Variants in SLC2A3 observed in about 807,000 individuals in gnomAD.
SLC2A3 encodes the protein solute carrier family 2, facilitated glucose transporter member 3.
Under a neutral mutation model 46.4 loss-of-function variants are expected in SLC2A3, and 21 were observed. The observed-to-expected ratio is 0.45, with a 90% CI of 0.32 to 0.65. The LOEUF is 0.65. SLC2A3 is among the 30% of genes least tolerant of loss of function. SLC2A3 has a pLI of 0.04. For missense variants in SLC2A3, 499 were observed against 623.3 expected (o/e 0.80, Z 2.12); for synonymous variants, 213 against 239.4 (o/e 0.89, Z 1.02).
At chr12:7,926,241 C>A (rs999507496) in intron 6 of SLC2A3, among the ~76,000 whole-genome samples, 2 of 152,028 alleles carry the variant, frequency 1.3e-5, no homozygotes, top group Non-Finnish European at 2.9e-5. Context: ...CAGGTGCCTG[C>A]AACCACACGC....
intron 1 of SLC2A3, 124 bp from the exon 2 acceptor site, chr12:7,934,026 A>G (rs1020610084): frequency 1.0e-5 from 9 of 873,056 alleles, no homozygotes; most frequent in South Asian, 3.4e-5. Flanking sequence ...AGAACATCCA[A>G]TGAGATTTAG....
intron 6 of SLC2A3, among the ~76,000 whole-genome samples, chr12:7,928,192 G>A (rs2121190703): frequency 6.6e-6 from 1 of 152,124 alleles, no homozygotes; most frequent in South Asian, 2.1e-4. Context: ...GAGGTCAAGA[G>A]ATCGAGACCA....
At position 7,919,647 on chromosome 12, in the gene SLC2A3, C is replaced by G. The variant is rs890344572; in HGVS notation, c.*1766G>C. On this transcript the variant is annotated 3_prime_UTR_variant, in exon 10 of 10. Transcript: ENST00000075120. ...ATGTTGGCCAGACTGGTCTCGAACC[C>G]CTGACCGCCCGCCTAGGCCTCCCAA... 6.6e-6 allele frequency: 1 copy of G among 151,854 alleles called. No homozygotes were observed. Among genetic ancestry groups the G allele is most frequent in the African/African-American group, 2.4e-5 (1 of 41,284 alleles). 9.4% of individuals were successfully genotyped at this position (151,854 alleles called of 1,614,324 possible).
At chr12:7,923,751 C>A (rs546437246) in intron 8 of SLC2A3, among the ~76,000 whole-genome samples, 4 of 150,868 alleles carry the variant, frequency 2.7e-5, no homozygotes, top group African/African-American at 9.7e-5. Flanking sequence ...TGAACCACTG[C>A]GCCCAGCCAG....
In SLC2A3 at chr12:7,921,404, A is replaced by G. The variant is rs980577037; in HGVS notation, c.*9T>C. The G allele has an allele frequency of 6.2e-7, 1 of 1,614,030 alleles. No homozygotes were observed. Among genetic ancestry groups the G allele is most frequent in the Admixed American group, 1.7e-5 (1 of 60,016 alleles). ...CCCATGCCGGGAGGGAGGTGGAAGG[A>G]GGCACGACTTAGACATTGGTGGTGG... is the stretch of plus-strand genomic sequence containing the variant. On this transcript the variant is annotated 3_prime_UTR_variant, in exon 10 of 10. Transcript: ENST00000075120.
At position 7,936,104 on chromosome 12, in the gene SLC2A3, A is replaced by C. The variant is rs1946210072; in HGVS notation, c.-70T>G. 4 of 1,323,012 alleles carry C rather than the reference A, an allele frequency of 3.0e-6. No individual in the cohort carries two copies. Among genetic ancestry groups the C allele is most frequent in the Non-Finnish European group, 2.2e-6 (2 of 915,894 alleles). 82.0% of individuals were successfully genotyped at this position (1,323,012 alleles called of 1,614,324 possible). Reference sequence around the variant, plus strand: ...TCCAGAAACAGCTTTTTCAGCCAACAAAACCTTCAAAATGTCCTTCTCAGC... The same window carrying C: ...TCCAGAAACAGCTTTTTCAGCCAACCAAACCTTCAAAATGTCCTTCTCAGC... On this transcript the variant is annotated 5_prime_UTR_variant, in exon 1 of 10. Transcript: ENST00000075120.
At chr12:7,928,569 T>C (rs753567306) in intron 6 of SLC2A3, among the ~76,000 whole-genome samples, 1 of 152,086 alleles carries the variant, frequency 6.6e-6, no homozygotes, top group East Asian at 1.9e-4. Context: ...TCTTTCATTC[T>C]TTCTTTTTTC....
chr12:7,930,489 C>T lies in SLC2A3; in HGVS notation c.664G>A (p.Ala222Thr). The part of the protein sequence containing the change: ...LLINRKEEEN[A>T]KQILQRLWGT... ...TGTGAAGGATACTCACTCTGCTTAG[C>T]ATTCTCCTCTTCTTTTCTGTTAATG... The change falls in exon 5 of 10, where the codon GCT (alanine) becomes ACT (threonine). Residue 222 changes from alanine to threonine, a missense_variant. This residue lies in a region of SLC2A3 where 248 missense variants were observed against 284.0 expected (regional missense o/e 0.87). Coordinates refer to ENST00000075120, the MANE Select transcript of SLC2A3 (RefSeq NM_006931.3). 1.2e-6 allele frequency: 2 copies of T among 1,613,308 alleles called. No homozygotes were observed. Among genetic ancestry groups the T allele is most frequent in the Non-Finnish European group, 8.5e-7 (1 of 1,179,458 alleles).
chr12:7,935,974 T>G, intron 1 of SLC2A3, 46 bp downstream of exon 1: 1 of 1,479,302 alleles, frequency 6.8e-7, no homozygotes, highest in Non-Finnish European at 9.5e-7. Context: ...CCTTTCTGAG[T>G]GTATCCCAAA....
At position 7,930,607 on chromosome 12, in the gene SLC2A3, C is replaced by T. The variant is rs1299074826; in HGVS notation, c.546G>A (p.Glu182=). The T allele has an allele frequency of 6.2e-7, 1 of 1,613,730 alleles. No homozygotes were observed. The highest frequency in any genetic ancestry group is 1.3e-5 in the African/African-American group (1 of 74,878). Reference sequence around the variant, plus strand: ...TAAAACCCAGTAGCAGCGGCCATAGCTCTTCAGACCCAAGGATGAATTCCA... The same window carrying T: ...TAAAACCCAGTAGCAGCGGCCATAGTTCTTCAGACCCAAGGATGAATTCCA... The part of the protein sequence containing the change: ...FGLEFILGSE[E]LWPLLLGFTI... The change falls in exon 5 of 10, where the codon GAG becomes GAA. Residue 182 remains glutamate (E), a synonymous_variant. Coordinates refer to ENST00000075120, the MANE Select transcript of SLC2A3 (RefSeq NM_006931.3).
intron 1 of SLC2A3, among the ~76,000 whole-genome samples, chr12:7,935,614 A>T (rs1478396024): frequency 1.3e-5 from 2 of 152,182 alleles, no homozygotes; most frequent in African/African-American, 4.8e-5. Context: ...ACAGATGGCC[A>T]GACCCTGGCC....
intron 3 of SLC2A3, 51 bp from the exon 4 acceptor site, chr12:7,931,536 A>C (rs371710025): frequency 6.2e-7 from 1 of 1,609,962 alleles, no homozygotes; most frequent in Non-Finnish European, 8.5e-7. Flanking sequence ...AGAGGCTCCT[A>C]ACTTCTCCTC....
intron 8 of SLC2A3, among the ~76,000 whole-genome samples, chr12:7,923,768 A>AT (rs59914158): frequency 2.4e-3 from 325 of 135,660 alleles, no homozygotes; most frequent in East Asian, 5.2e-3. Flanking sequence ...CCAGGATTGG[A>AT]TTTTTTTTTT....
At chr12:7,927,410 C>T (rs1000789801) in intron 6 of SLC2A3, among the ~76,000 whole-genome samples, 14 of 151,978 alleles carry the variant, frequency 9.2e-5, no homozygotes, top group Non-Finnish European at 2.9e-5. Context: ...GTACTCATCT[C>T]AATAAAATTT....
At chr12:7,931,563 T>C in intron 3 of SLC2A3, 78 bp from the exon 4 acceptor site, 12 of 1,575,750 alleles carry the variant, frequency 7.6e-6, no homozygotes, top group Non-Finnish European at 1.0e-5. Context: ...CATTATTCTG[T>C]TCTTCTCCAG....
intron 5 of SLC2A3, 22 bp from the exon 6 acceptor site, chr12:7,929,893 A>G (rs1396518837): frequency 3.7e-6 from 6 of 1,613,740 alleles, no homozygotes; most frequent in Non-Finnish European, 5.1e-6. Context: ...AAGAAAGAGG[A>G]AAGGATAAAA....
At chr12:7,932,314 A>T (rs1182654685) in intron 3 of SLC2A3, among the ~76,000 whole-genome samples, 3 of 151,826 alleles carry the variant, frequency 2.0e-5, no homozygotes, top group Non-Finnish European at 4.4e-5. Context: ...AGTAGCTGGA[A>T]TTATAGGTGC....
At position 7,931,238 on chromosome 12, in the gene SLC2A3, A is replaced by C. The variant is rs766044926; in HGVS notation, c.510+7T>G. 3.1e-6 allele frequency: 5 copies of C among 1,614,142 alleles called. No individual in the cohort carries two copies. In the Admixed American group the frequency reaches 8.3e-5, roughly 27 times the overall value. On this transcript the variant is annotated splice_region_variant and intron_variant, in intron 4 of 9. Coordinates refer to ENST00000075120, the MANE Select transcript of SLC2A3 (RefSeq NM_006931.3). ...ACACTCATTAAGTATGAGAAGTTCT[A>C]GAGTACCTGGGCCACCAGAATTCCA...
intron 6 of SLC2A3, among the ~76,000 whole-genome samples, chr12:7,927,379 C>T (rs910252775): frequency 2.0e-5 from 3 of 151,978 alleles, no homozygotes; most frequent in Non-Finnish European, 2.9e-5. Flanking sequence ...AATGTCTACA[C>T]GTCAAAAACC....
Sources: gnomAD v4.1 joint callset for allele counts (sites outside exome capture counted in the v4.1 genomes callset) on GRCh38, gnomAD v4.1.1 for gene constraint, gnomAD v4.1.1 regional missense constraint, MANE v1.5 for transcripts, NCBI Gene and HGNC (gene_info 2026-07-23, HGNC 2026-07-21) for gene names.